GRID2: variants seen among roughly 807,000 people sequenced by gnomAD.
GRID2 encodes glutamate receptor ionotropic, delta-2.
GRID2 carries 33 observed loss-of-function variants against 114.8 expected under a neutral mutation model. The ratio of observed to expected loss-of-function variants is 0.29; its 90% confidence interval spans 0.22 to 0.38. The LOEUF is 0.38. Ranked by LOEUF, GRID2 falls within the 10% of genes least tolerant of loss-of-function variation. The pLI is 1.00. For synonymous variants in GRID2, 505 were observed against 449.9 expected, an observed-to-expected ratio of 1.12 and a Z score of -1.55; for missense variants, 1,184 against 1,257.7, an observed-to-expected ratio of 0.94 and a Z score of 0.89.
At chr4:93,632,854 G>T (rs1250196701) in intron 14 of GRID2, among the ~76,000 whole-genome samples, 2 of 152,156 alleles carry the variant, frequency 1.3e-5, no homozygotes, top group African/African-American at 4.8e-5. Context: ...CATGAGCATG[G>T]AATGTTCTTC....
intron 2 of GRID2, among the ~76,000 whole-genome samples, chr4:92,704,009 C>G (rs1352827070): frequency 1.3e-5 from 2 of 152,166 alleles, no homozygotes; most frequent in African/African-American, 4.8e-5. Context: ...GGCGCAGTTG[C>G]TCACGCCTGT....
intron 9 of GRID2, among the ~76,000 whole-genome samples, chr4:93,414,375 A>C (rs957115665): frequency 3.3e-5 from 5 of 152,052 alleles, no homozygotes; most frequent in African/African-American, 4.8e-5. Context: ...TAGTCAAAGT[A>C]ACAGCTGACA....
intron 2 of GRID2, among the ~76,000 whole-genome samples, chr4:92,781,880 T>C (rs928911975): frequency 1.3e-5 from 2 of 152,086 alleles, no homozygotes; most frequent in African/African-American, 4.8e-5. Flanking sequence ...AATTTTAAAA[T>C]ATGTATTGGA....
At chr4:92,999,939 T>A (rs767206539) in intron 2 of GRID2, among the ~76,000 whole-genome samples, 18 of 151,762 alleles carry the variant, frequency 1.2e-4, no homozygotes, top group Non-Finnish European at 1.9e-4. Flanking sequence ...TGTCCTATAT[T>A]GGTCAAATAA....
intron 2 of GRID2, among the ~76,000 whole-genome samples, chr4:92,881,183 G>T (rs772245008): frequency 1.1e-4 from 16 of 152,170 alleles, no homozygotes; most frequent in Admixed American, 2.0e-4. Context: ...GATTACAGGC[G>T]TGAGCCACCC....
intron 1 of GRID2, among the ~76,000 whole-genome samples, chr4:92,505,313 G>A (rs1723903859): frequency 6.6e-6 from 1 of 151,938 alleles, no homozygotes; most frequent in Non-Finnish European, 1.5e-5. Context: ...GGATTAAATG[G>A]CAACTTTCTA....
chr4:93,671,030 AC>A (rs1724364931), intron 14 of GRID2, among the ~76,000 whole-genome samples: 2 of 152,142 alleles, frequency 1.3e-5, no homozygotes. Context: ...GTTTGTTTCT[AC>A]TTTTGCCATA....
chr4:92,475,716 G>T (rs1248121718), intron 1 of GRID2, among the ~76,000 whole-genome samples: 2 of 151,752 alleles, frequency 1.3e-5, no homozygotes, highest in Non-Finnish European at 2.9e-5. Context: ...AAAACATCAT[G>T]GGGGCGTTCA....
chr4:92,977,308 A>T (rs1753938863), intron 2 of GRID2, among the ~76,000 whole-genome samples: 1 of 152,190 alleles, frequency 6.6e-6, no homozygotes, highest in Non-Finnish European at 1.5e-5. Context: ...AAAAGCAAAA[A>T]GTAGTCAACC....
chr4:93,710,085 T>C (rs1258947306), intron 14 of GRID2, among the ~76,000 whole-genome samples: 5 of 152,166 alleles, frequency 3.3e-5, no homozygotes, highest in Non-Finnish European at 5.9e-5. Context: ...TTTTAGTCTG[T>C]TTGGTGAGGT....
intron 2 of GRID2, among the ~76,000 whole-genome samples, chr4:92,901,034 A>G (rs946836087): frequency 2.0e-5 from 3 of 151,936 alleles, no homozygotes; most frequent in Non-Finnish European, 2.9e-5. Flanking sequence ...TCCTGCTGCA[A>G]ACGTGAATGC....
chr4:92,378,461 A>T (rs1042444074), intron 1 of GRID2, among the ~76,000 whole-genome samples: 1 of 152,084 alleles, frequency 6.6e-6, no homozygotes, highest in Admixed American at 6.6e-5. Flanking sequence ...CATAATAAAA[A>T]TTTTCATAAT....
At chr4:93,237,399 G>A (rs996390788) in intron 7 of GRID2, among the ~76,000 whole-genome samples, 3 of 151,788 alleles carry the variant, frequency 2.0e-5, no homozygotes, top group African/African-American at 7.2e-5. Context: ...GAAGTAGAAG[G>A]AAAAGCAAAT....
chr4:92,550,709 CA>C (rs1283106913), intron 1 of GRID2, among the ~76,000 whole-genome samples: 1 of 151,618 alleles, frequency 6.6e-6, no homozygotes, highest in Non-Finnish European at 1.5e-5. Context: ...AACCTAAAAA[CA>C]AAACGAAAAC....
intron 2 of GRID2, among the ~76,000 whole-genome samples, chr4:92,666,931 G>A (rs1343354886): frequency 1.3e-5 from 2 of 151,286 alleles, no homozygotes; most frequent in Non-Finnish European, 3.0e-5. Flanking sequence ...GTCCCTCCTT[G>A]ATCAAATACA....
intron 2 of GRID2, among the ~76,000 whole-genome samples, chr4:92,995,808 C>T (rs1298168658): frequency 6.6e-6 from 1 of 152,074 alleles, no homozygotes; most frequent in African/African-American, 2.4e-5. Context: ...GATAATGCTA[C>T]AATATGTTAA....
chr4:93,732,120 A>G (rs981003881), intron 14 of GRID2, among the ~76,000 whole-genome samples: 2 of 152,228 alleles, frequency 1.3e-5, no homozygotes, highest in Non-Finnish European at 2.9e-5. Context: ...TCAGAATCCC[A>G]TTACAGTACT....
chr4:92,313,625 A>G (rs1725823119), intron 1 of GRID2, among the ~76,000 whole-genome samples: 1 of 152,060 alleles, frequency 6.6e-6, no homozygotes, highest in African/African-American at 2.4e-5. Flanking sequence ...GAAAAGAGAA[A>G]TATTAGTAGC....
chr4:93,647,834 A>G (rs1722245648), intron 14 of GRID2, among the ~76,000 whole-genome samples: 1 of 152,204 alleles, frequency 6.6e-6, no homozygotes. Flanking sequence ...CAAATGAAAA[A>G]GAATTAACAC....
Sources: allele counts gnomAD v4.1 joint callset (sites outside exome capture counted in the v4.1 genomes callset), GRCh38; gene constraint gnomAD v4.1.1; transcripts MANE v1.5; gene names NCBI Gene and HGNC (gene_info 2026-07-23, HGNC 2026-07-21).